The following TTC6 variants were observed in gnomAD, a reference collection of about 807,000 sequenced individuals.
TTC6 encodes the protein tetratricopeptide repeat domain 6, also known as tetratricopeptide repeat protein 6.
In TTC6, 172 loss-of-function variants were observed where a neutral mutation model predicts 210.4. The observed-to-expected ratio is 0.82, with a 90% CI of 0.72 to 0.93. TTC6 has a LOEUF of 0.93. Among genes scored for constraint, TTC6 ranks in the 40% least tolerant of loss-of-function variants. The pLI, the probability that TTC6 is intolerant of heterozygous loss-of-function variation, is 0.00. For missense variants in TTC6, 2,414 were observed against 2,318.1 expected (o/e 1.04, Z -0.85); for synonymous variants, 804 against 819.6 (o/e 0.98, Z 0.32).
chr14:37,832,252 C>T (rs2096187096), intron 29 of TTC6, among the ~76,000 whole-genome samples: 1 of 149,242 alleles, frequency 6.7e-6, no homozygotes, highest in Non-Finnish European at 1.5e-5. Context: ...AAAAATATAA[C>T]TTCATTTTAT....
At chr14:37,785,765 C>A (rs2096066069) in intron 14 of TTC6, among the ~76,000 whole-genome samples, 1 of 152,134 alleles carries the variant, frequency 6.6e-6, no homozygotes, top group East Asian at 1.9e-4. Context: ...TTTTATCTAT[C>A]TTTGGTCTTT....
At chr14:37,773,898 G>T (rs1555397945) in intron 14 of TTC6, among the ~76,000 whole-genome samples, 1 of 152,036 alleles carries the variant, frequency 6.6e-6, no homozygotes, top group Non-Finnish European at 1.5e-5. Context: ...AGCATGGAAT[G>T]TTTTTTTCGT....
At chr14:37,812,584 G>A (rs1308561666) in intron 25 of TTC6, 151 bp downstream of exon 27, 1 of 701,776 alleles carries the variant, frequency 1.4e-6, no homozygotes, top group Non-Finnish European at 2.2e-6. Context: ...ATGACTAATA[G>A]GCTCTTTGAA....
At chr14:37,734,196 C>T (rs1484489523) in intron 7 of TTC6, among the ~76,000 whole-genome samples, 1 of 152,162 alleles carries the variant, frequency 6.6e-6, no homozygotes, top group Non-Finnish European at 1.5e-5. Context: ...GTTTCTCTGA[C>T]TACCCTCGTG....
intron 7 of TTC6, 115 bp from the exon 10 acceptor site, chr14:37,735,806 T>TA (rs2095900088): frequency 5.2e-6 from 3 of 582,518 alleles, no homozygotes; most frequent in African/African-American, 1.9e-5. Context: ...ACTACTTTCA[T>TA]ATGTTTTCTC....
chr14:37,615,749 C>A (rs2095641701), intron 2 of TTC6, among the ~76,000 whole-genome samples: 1 of 151,876 alleles, frequency 6.6e-6, no homozygotes, highest in Non-Finnish European at 1.5e-5. Flanking sequence ...GGACTGGGAT[C>A]TGTTCAATTT....
chr14:37,732,545 T>C (rs2138890717), intron 7 of TTC6, among the ~76,000 whole-genome samples: 1 of 151,958 alleles, frequency 6.6e-6, no homozygotes, highest in African/African-American at 2.4e-5. Flanking sequence ...AAGAAGATTA[T>C]AAGGAAGAGA....
chr14:37,751,015 A>T (rs1445984647), intron 12 of TTC6, 38 bp from the exon 15 acceptor site: 2 of 1,406,480 alleles, frequency 1.4e-6, no homozygotes, highest in East Asian at 5.0e-5. Flanking sequence ...GAATGAAAGG[A>T]TTATAACTCC....
chr14:37,618,749 G>A (rs2095646645), upstream of TTC6, among the ~76,000 whole-genome samples: 1 of 152,086 alleles, frequency 6.6e-6, no homozygotes. Flanking sequence ...ATTTCCTGTT[G>A]GTTTAATTTT....
Position 37,804,625 on chromosome 14 carries a change from A to G in TTC6, c.4030-55A>G. ...TTAACATATAAGGCTGTAACGTTAA[A>G]TCAATAGTGGAAAGAAACATTTCTT... On this transcript the variant is annotated intron_variant, in intron 20 of 30. Transcript: ENST00000553443. 9 of 1,586,968 alleles carry G rather than the reference A, an allele frequency of 5.7e-6. No homozygotes were observed. The South Asian group carries it at 1.0e-4, about 18-fold the overall frequency.
intron 1 of TTC6, among the ~76,000 whole-genome samples, chr14:37,678,262 A>G (rs1225682453): frequency 6.6e-6 from 1 of 152,124 alleles, no homozygotes; most frequent in Non-Finnish European, 1.5e-5. Context: ...ATGACTACTA[A>G]CAGATGATCC....
chr14:37,635,223 G>T (rs956606762), intron 1 of TTC6, among the ~76,000 whole-genome samples: 3 of 152,184 alleles, frequency 2.0e-5, no homozygotes, highest in Non-Finnish European at 2.9e-5. Context: ...AGGTTTTCAT[G>T]TGTAACTCTA....
At chr14:37,808,923 A>C in intron 24 of TTC6, 77 bp downstream of exon 26, 1 of 716,110 alleles carries the variant, frequency 1.4e-6, no homozygotes, top group Non-Finnish European at 2.4e-6. Flanking sequence ...TGTGGATTTC[A>C]ATCAATAAAT....
intron 5 of TTC6, among the ~76,000 whole-genome samples, chr14:37,704,702 G>A: frequency 6.6e-6 from 1 of 151,754 alleles, no homozygotes; most frequent in Non-Finnish European, 1.5e-5. Flanking sequence ...GGTGTTTTAT[G>A]CTATCAGAAA....
chr14:37,793,368 C>T (rs962525943), intron 17 of TTC6, among the ~76,000 whole-genome samples: 2 of 152,180 alleles, frequency 1.3e-5, no homozygotes, highest in Non-Finnish European at 2.9e-5. Context: ...AAACAAAAAA[C>T]CCAAAAACCA....
intron 14 of TTC6, among the ~76,000 whole-genome samples, chr14:37,774,074 A>G (rs1348573994): frequency 1.3e-5 from 2 of 152,060 alleles, no homozygotes; most frequent in African/African-American, 2.4e-5. Context: ...TATTCTTGGT[A>G]TGGAGGAATG....
chr14:37,689,735 A>G (rs777216526), intron 3 of TTC6, among the ~76,000 whole-genome samples: 9 of 152,096 alleles, frequency 5.9e-5, no homozygotes, highest in Non-Finnish European at 8.8e-5. Context: ...TCCTTCAGAC[A>G]TGAAGGAGAA....
At chr14:37,686,282 C>T (rs1056683038) in intron 3 of TTC6, among the ~76,000 whole-genome samples, 7 of 152,156 alleles carry the variant, frequency 4.6e-5, no homozygotes, top group Non-Finnish European at 7.3e-5. Flanking sequence ...ATATAAAGCA[C>T]TTAGAACAAT....
In TTC6 at chr14:37,827,259, C is replaced by T. The variant is rs765695040; in HGVS notation, c.5191C>T (p.Gln1731Ter). The T allele has an allele frequency of 6.2e-7, 1 of 1,613,120 alleles. No individual in the cohort carries two copies. Among genetic ancestry groups the T allele is most frequent in the Admixed American group, 1.7e-5 (1 of 59,948 alleles). Reference sequence around the variant, plus strand: ...GATTCATGAGTTTATGGGCCACAAACAGAATGCAATGAAAGACTACCAAGA... The same window carrying T: ...GATTCATGAGTTTATGGGCCACAAATAGAATGCAATGAAAGACTACCAAGA... The change falls in exon 29 of 31, where the codon CAG becomes TAG. Residue 1731 changes from glutamine to a stop codon, truncating the protein, a stop_gained. Coordinates refer to ENST00000553443, the Ensembl canonical transcript of TTC6. LOFTEE classifies it high-confidence loss of function.
Sources: allele counts gnomAD v4.1 joint callset (sites outside exome capture counted in the v4.1 genomes callset), GRCh38; gene constraint gnomAD v4.1.1; transcripts MANE v1.5; gene names NCBI Gene and HGNC (gene_info 2026-07-23, HGNC 2026-07-21).